Variants in STK17A observed in about 807,000 individuals in gnomAD.
STK17A encodes serine/threonine-protein kinase 17A.
STK17A carries 26 observed loss-of-function variants against 43.7 expected under a neutral mutation model. The ratio of observed to expected loss-of-function variants is 0.60; its 90% CI spans 0.44 to 0.83. STK17A has a LOEUF of 0.83. STK17A is among the 40% of genes least tolerant of loss of function. STK17A has a pLI of 0.00. For missense variants in STK17A, 476 were observed against 511.6 expected (o/e 0.93, Z 0.67); for synonymous variants, 191 against 182.5 (o/e 1.05, Z -0.38).
chr7:43,594,638 G>A (rs1463509206), intron 1 of STK17A, among the ~76,000 whole-genome samples: 1 of 152,192 alleles, frequency 6.6e-6, no homozygotes, highest in African/African-American at 2.4e-5. Flanking sequence ...AATGATGTTT[G>A]TGTGATTAGT....
chr7:43,613,164 AGC>A (rs1563155258), intron 3 of STK17A, among the ~76,000 whole-genome samples: 1 of 152,190 alleles, frequency 6.6e-6, no homozygotes, highest in Non-Finnish European at 1.5e-5. Context: ...TCAGTCTTTC[AGC>A]AGTGTTAGTA....
intron 3 of STK17A, among the ~76,000 whole-genome samples, chr7:43,612,754 C>T (rs1041101504): frequency 2.0e-5 from 3 of 151,574 alleles, no homozygotes; most frequent in African/African-American, 7.3e-5. Flanking sequence ...TGCCAAAAGA[C>T]TGATTCACTG....
rs1726524844 is a variant in STK17A at position 43,623,634 on chromosome 7, A to T, written c.740+14A>T. The T allele has an allele frequency of 6.2e-7, 1 of 1,608,724 alleles. No homozygotes were observed. The highest frequency in any genetic ancestry group is 1.3e-5 in the African/African-American group (1 of 74,790). ...AACAGATATGTGGTAAGAGTTATTA[A>T]TGAAAAATTGATCAAATTAGTTTCA... On this transcript the variant is annotated intron_variant, in intron 5 of 6. Transcript: ENST00000319357.
rs949391803 is a variant in STK17A, at chr7:43,585,875, A to G, written c.206+2426A>G. 6.6e-5 allele frequency among the ~76,000 whole-genome samples: 10 copies of G among 151,662 alleles called. 2 individuals are homozygous for G. Among genetic ancestry groups the G allele is most frequent in the Non-Finnish European group, 1.2e-4 (8 of 67,712 alleles). On this transcript the variant is annotated intron_variant, in intron 1 of 6. Coordinates refer to ENST00000319357, the MANE Select transcript of STK17A (RefSeq NM_004760.3). ...GTAACCCAAAAAGAAAACCTGCACA[A>G]TCTCAAAAAATGCCTCTATGTCTGG...
At chr7:43,620,552 T>C (rs1168949509) in intron 4 of STK17A, among the ~76,000 whole-genome samples, 1 of 151,820 alleles carries the variant, frequency 6.6e-6, no homozygotes, top group Admixed American at 6.6e-5. Context: ...TGTGCACTTG[T>C]AGTCCCAGCT....
chr7:43,619,496 C>T lies in STK17A; in HGVS notation c.565-101C>T, dbSNP rs1583727025. Reference sequence around the variant, plus strand: ...CAAATGACTGTTTACTGTTAAATTCCTCAGTCTCAGTTTCATAGGTGAAAT... The same window carrying T: ...CAAATGACTGTTTACTGTTAAATTCTTCAGTCTCAGTTTCATAGGTGAAAT... On this transcript the variant is annotated intron_variant, in intron 3 of 6. Coordinates refer to ENST00000319357, the MANE Select transcript of STK17A (RefSeq NM_004760.3). The T allele has an allele frequency of 2.9e-6, 4 of 1,396,516 alleles. No individual in the cohort carries two copies. The East Asian group carries it at 7.0e-5, about 24-fold the overall frequency. 86.5% of individuals were successfully genotyped at this position (1,396,516 alleles called of 1,614,324 possible).
intron 2 of STK17A, among the ~76,000 whole-genome samples, chr7:43,597,927 A>G (rs2082529620): frequency 6.6e-6 from 1 of 152,110 alleles, no homozygotes; most frequent in South Asian, 2.1e-4. Context: ...TCTGTCTCAA[A>G]AAACAAAAAA....
At chr7:43,622,277 C>A (rs1217197123) in intron 4 of STK17A, 1 of 151,590 alleles carries the variant, frequency 6.6e-6, no homozygotes, top group Non-Finnish European at 1.5e-5. Flanking sequence ...CTGTTTCTCA[C>A]TCAACCATTT....
Position 43,591,472 on chromosome 7 carries a change from C to T in STK17A, c.207-4429C>T, listed in dbSNP as rs531678850. ...TGGTCCACAAAGCCAAAAATATTTA[C>T]CATCTTGCTTGCCCTTCACAGAAAA... On this transcript the variant is annotated intron_variant, in intron 1 of 6. Coordinates refer to ENST00000319357, the MANE Select transcript of STK17A (RefSeq NM_004760.3). Among the ~76,000 whole-genome samples, 10 of 151,548 alleles carry T rather than the reference C, an allele frequency of 6.6e-5. No homozygotes were observed. The South Asian group carries it at 2.1e-3, about 31-fold the overall frequency.
intron 4 of STK17A, chr7:43,622,573 G>A (rs2084016926): frequency 6.6e-6 from 1 of 151,634 alleles, no homozygotes; most frequent in Non-Finnish European, 1.5e-5. Flanking sequence ...CTTTAGTTAA[G>A]TGGATTGTGA....
chr7:43,617,129 A>C (rs2083431076), intron 3 of STK17A, among the ~76,000 whole-genome samples: 1 of 151,682 alleles, frequency 6.6e-6, no homozygotes, highest in Non-Finnish European at 1.5e-5. Flanking sequence ...CGTGGGACCC[A>C]GCTTCATGGA....
At chr7:43,585,107 G>C (rs1310894684) in intron 1 of STK17A, among the ~76,000 whole-genome samples, 1 of 152,028 alleles carries the variant, frequency 6.6e-6, no homozygotes, top group Non-Finnish European at 1.5e-5. Flanking sequence ...TGAGGTAGGC[G>C]AATCACTTGA....
At chr7:43,602,433 C>A (rs1167875427) in intron 2 of STK17A, among the ~76,000 whole-genome samples, 10 of 152,162 alleles carry the variant, frequency 6.6e-5, no homozygotes. Flanking sequence ...GGCCAATACC[C>A]CATTCACTTT....
At position 43,619,723 on chromosome 7, in the gene STK17A, G is replaced by T. The variant is rs1475772186; in HGVS notation, c.691G>T (p.Ala231Ser). 6.2e-7 allele frequency: 1 copy of T among 1,612,876 alleles called. No homozygotes were observed. ...REIMGTPEYV[A>S]PEILSYDPIS... is the part of the protein sequence containing the mutation. ...AATTATGGGTACCCCTGAATATGTG[G>T]GTAAGTATTCATAAAAGTAGTTTTG... The change falls in exon 4 of 7, where the codon GCT becomes TCT. Residue 231 changes from alanine (A) to serine (S), a missense_variant and splice_region_variant. Physicochemically the swap from Ala to Ser is moderately conservative, Grantham distance 99. Around this residue, in one of 3 missense-constraint regions of STK17A, gnomAD observed 320 missense variants for 326.3 expected, o/e 0.98. Transcript: ENST00000319357.
chr7:43,624,137 G>A (rs985147757), intron 6 of STK17A, among the ~76,000 whole-genome samples: 10 of 152,056 alleles, frequency 6.6e-5, no homozygotes, highest in African/African-American at 2.4e-4. Context: ...AGTATAACAG[G>A]ATTTAAATAT....
intron 3 of STK17A, 113 bp from the exon 4 acceptor site, chr7:43,619,484 A>C (rs1242811267): frequency 7.7e-7 from 1 of 1,294,480 alleles, no homozygotes; most frequent in Admixed American, 2.2e-5. Flanking sequence ...ATGACTGTTT[A>C]CTGTTAAATT....
chr7:43,622,646 T>C (rs1490517876), intron 4 of STK17A: 1 of 152,124 alleles, frequency 6.6e-6, no homozygotes, highest in East Asian at 1.9e-4. Context: ...TTTGACAGTG[T>C]CTTTCTATTG....
chr7:43,595,837 A>T, intron 1 of STK17A, 64 bp from the exon 2 acceptor site: 3 of 1,502,012 alleles, frequency 2.0e-6, no homozygotes, highest in Non-Finnish European at 2.7e-6. Context: ...TGGAAATTTC[A>T]TTGAAATCTG....
At chr7:43,613,897 C>A (rs898829668) in intron 3 of STK17A, among the ~76,000 whole-genome samples, 1 of 152,054 alleles carries the variant, frequency 6.6e-6, no homozygotes. Flanking sequence ...AAAAAAGTAG[C>A]CAGAAGCTGG....
Sources: allele counts gnomAD v4.1 joint callset (sites outside exome capture counted in the v4.1 genomes callset), GRCh38; gene constraint gnomAD v4.1.1; regional missense constraint gnomAD v4.1.1; transcripts MANE v1.5; gene names NCBI Gene and HGNC (gene_info 2026-07-23, HGNC 2026-07-21).